FSTL5: variants seen among roughly 807,000 people sequenced by gnomAD.
FSTL5 encodes the protein follistatin-related protein 5.
In FSTL5, 62 loss-of-function variants were observed where a neutral mutation model predicts 89.1. That is an observed-to-expected ratio of 0.70 (90% CI 0.57 to 0.86). FSTL5 has a LOEUF of 0.86. FSTL5 is among the 40% of genes least tolerant of loss of function. FSTL5 has a pLI of 0.00. For synonymous variants in FSTL5, 383 were observed against 346.2 expected, an observed-to-expected ratio of 1.11 and a Z score of -1.18; for missense variants, 1,057 against 1,001.6, an observed-to-expected ratio of 1.06 and a Z score of -0.75.
chr4:161,727,295 A>G (rs1739457256), intron 6 of FSTL5, among the ~76,000 whole-genome samples: 1 of 152,200 alleles, frequency 6.6e-6, no homozygotes, highest in Non-Finnish European at 1.5e-5. Flanking sequence ...GTCTGAATAT[A>G]TTCTAAAATG....
intron 15 of FSTL5, among the ~76,000 whole-genome samples, chr4:161,454,603 C>T (rs536915951): frequency 6.6e-6 from 1 of 152,252 alleles, no homozygotes; most frequent in African/African-American, 2.4e-5. Flanking sequence ...ATGACTGTGG[C>T]TGCTTCTCCA....
chr4:161,652,322 C>A (rs1260861096), intron 7 of FSTL5, among the ~76,000 whole-genome samples: 1 of 152,090 alleles, frequency 6.6e-6, no homozygotes, highest in African/African-American at 2.4e-5. Flanking sequence ...GTAGTCCTAG[C>A]TACTTGGGAG....
At chr4:161,899,886 A>G in intron 4 of FSTL5, among the ~76,000 whole-genome samples, 1 of 152,142 alleles carries the variant, frequency 6.6e-6, no homozygotes, top group Admixed American at 6.5e-5. Context: ...CTGAGGGTGT[A>G]GAGTGAACTT....
At chr4:162,015,284 A>C (rs1325226944) in intron 3 of FSTL5, among the ~76,000 whole-genome samples, 3 of 152,162 alleles carry the variant, frequency 2.0e-5, no homozygotes, top group Non-Finnish European at 4.4e-5. Context: ...ACTCAAGAAA[A>C]AAGGGAAGTG....
chr4:161,578,295 A>C (rs1184963730), intron 8 of FSTL5, among the ~76,000 whole-genome samples: 1 of 152,148 alleles, frequency 6.6e-6, no homozygotes, highest in Non-Finnish European at 1.5e-5. Flanking sequence ...TCGTTGAAAA[A>C]TATAATATCT....
intron 15 of FSTL5, among the ~76,000 whole-genome samples, chr4:161,404,416 T>A (rs187701549): frequency 6.6e-6 from 1 of 152,224 alleles, no homozygotes; most frequent in African/African-American, 2.4e-5. Context: ...ACCTAGAAGA[T>A]CCTAAGCTTT....
chr4:161,431,448 T>TAA, intron 15 of FSTL5, among the ~76,000 whole-genome samples: 2 of 132,790 alleles, frequency 1.5e-5, no homozygotes, highest in Non-Finnish European at 3.3e-5. Flanking sequence ...TAACCTCAAA[T>TAA]AAAAAAAAAA....
intron 14 of FSTL5, among the ~76,000 whole-genome samples, chr4:161,457,572 A>C (rs945868322): frequency 1.3e-5 from 2 of 152,166 alleles, no homozygotes; most frequent in Admixed American, 6.5e-5. Context: ...AAGTAGCATG[A>C]ATCAAAGGGG....
At chr4:162,094,732 T>C (rs1267751377) in intron 2 of FSTL5, among the ~76,000 whole-genome samples, 1 of 152,156 alleles carries the variant, frequency 6.6e-6, no homozygotes, top group Non-Finnish European at 1.5e-5. Context: ...TTCAACAGTA[T>C]ATAGTAATTA....
chr4:162,078,287 T>C (rs747125343), intron 2 of FSTL5, among the ~76,000 whole-genome samples: 1 of 151,988 alleles, frequency 6.6e-6, no homozygotes, highest in Middle Eastern at 3.4e-3. Flanking sequence ...CTGGAACAAA[T>C]AAATCATTTT....
chr4:161,538,784 G>A (rs1731722031), intron 9 of FSTL5, among the ~76,000 whole-genome samples: 1 of 151,972 alleles, frequency 6.6e-6, no homozygotes. Flanking sequence ...TTTATTGTGA[G>A]ACAGAATCTC....
chr4:161,583,633 C>T (rs532847420), intron 8 of FSTL5, among the ~76,000 whole-genome samples: 3 of 152,224 alleles, frequency 2.0e-5, no homozygotes, highest in East Asian at 1.9e-4. Flanking sequence ...TTATTTTATA[C>T]CTTATTTTTC....
At chr4:161,410,951 C>CAAAAA (rs764615060) in intron 15 of FSTL5, among the ~76,000 whole-genome samples, 49 of 127,980 alleles carry the variant, frequency 3.8e-4, no homozygotes, top group Admixed American at 7.8e-4. Flanking sequence ...GTTGGTTGTT[C>CAAAAA]AAAAAAAAAA....
In FSTL5 at chr4:161,385,718, C is replaced by T. The variant is rs760012562; in HGVS notation, c.*29G>A. 1.1e-5 allele frequency: 16 copies of T among 1,428,298 alleles called. No homozygotes were observed. The highest frequency in any genetic ancestry group is 2.1e-5 in the Admixed American group (1 of 46,580). 88.5% of individuals were successfully genotyped at this position (1,428,298 alleles called of 1,614,324 possible). ...ATTAAGTGCAATGTATTGTAAAACG[C>T]TTCATTCAATAATTGTATCGTAGGG... On this transcript the variant is annotated 3_prime_UTR_variant, in exon 16 of 16. Transcript: ENST00000306100.
chr4:161,448,386 C>T (rs1014528441), intron 15 of FSTL5, among the ~76,000 whole-genome samples: 3 of 152,080 alleles, frequency 2.0e-5, no homozygotes, highest in African/African-American at 7.2e-5. Context: ...AATTGTATCT[C>T]CATACACCTG....
Position 162,039,696 on chromosome 4 carries a change from G to A in FSTL5, c.127-6038C>T, listed in dbSNP as rs117935214. On this transcript the variant is annotated intron_variant, in intron 2 of 15. Transcript: ENST00000306100. ...GAAAATAAGTTCATTTCTCTCATGG[G>A]ATTTGAGAAAACTCAAATGTGTAGA... Among the ~76,000 whole-genome samples, 72 of 152,014 alleles carry A rather than the reference G, an allele frequency of 4.7e-4. 2 individuals are homozygous for A. The East Asian group carries it at 0.011, about 23-fold the overall frequency.
At chr4:161,571,584 T>C (rs1314891515) in intron 8 of FSTL5, among the ~76,000 whole-genome samples, 1 of 152,124 alleles carries the variant, frequency 6.6e-6, no homozygotes, top group Non-Finnish European at 1.5e-5. Context: ...AACAAAAAAC[T>C]GAATACTGCG....
Position 161,943,538 on chromosome 4 carries a change from CTTTTTTTTTTTTTTTTTTTTTTTTTTTTT to C in FSTL5, c.161-22915_161-22887del, listed in dbSNP as rs77101651. On this transcript the variant is annotated intron_variant, in intron 3 of 15. Coordinates refer to ENST00000306100, the MANE Select transcript of FSTL5 (RefSeq NM_020116.5). ...GACTTTTACATCAGAACCACTGTAT[CTTTTTTTTTTTTTTTTTTTTTTTTTTTTT>C]TTTTTTTTGAGGTGGAGTCTTGCTG... 5.8e-5 allele frequency among the ~76,000 whole-genome samples: 2 copies of C among 34,342 alleles called. 1 individual carries two copies. Among genetic ancestry groups the C allele is most frequent in the South Asian group, 2.7e-3 (2 of 742 alleles). 22.5% of individuals were successfully genotyped at this position (34,342 alleles called of 152,430 possible).
intron 3 of FSTL5, among the ~76,000 whole-genome samples, chr4:161,983,872 A>G (rs899855235): frequency 6.6e-6 from 1 of 152,204 alleles, no homozygotes; most frequent in East Asian, 1.9e-4. Context: ...TTGGTTTCCA[A>G]TGTTGAATTT....
Sources: gnomAD v4.1 joint callset for allele counts (sites outside exome capture counted in the v4.1 genomes callset) on GRCh38, gnomAD v4.1.1 for gene constraint, MANE v1.5 for transcripts, NCBI Gene and HGNC (gene_info 2026-07-23, HGNC 2026-07-21) for gene names.